ANKRD36C: variants seen among roughly 807,000 people sequenced by gnomAD.
The protein encoded by ANKRD36C is ankyrin repeat domain-containing protein 36C.
Under a neutral mutation model 276.4 loss-of-function variants are expected in ANKRD36C, and 61 were observed. That is an observed-to-expected ratio of 0.22 (90% CI 0.18 to 0.27). The LOEUF (loss-of-function observed/expected upper bound fraction) is 0.27, where lower values mean the gene tolerates loss of function less well. Among genes scored for constraint, ANKRD36C ranks in the 10% least tolerant of loss-of-function variants. The probability of loss-of-function intolerance (pLI) is 1.00; values close to 1 mark genes in which losing one functional copy is unlikely to be tolerated. For missense variants in ANKRD36C, 1,447 were observed against 2,032.3 expected (o/e 0.71, Z 5.54); for synonymous variants, 483 against 680.1 (o/e 0.71, Z 4.51).
chr2:95,990,273 T>C (rs1462687368), intron 1 of ANKRD36C, among the ~76,000 whole-genome samples: 1 of 152,250 alleles, frequency 6.6e-6, no homozygotes, highest in East Asian at 1.9e-4. Context: ...CATCTTTTCC[T>C]ACTAATATGA....
intron 59 of ANKRD36C, among the ~76,000 whole-genome samples, chr2:95,870,454 T>C (rs1457996932): frequency 1.3e-5 from 2 of 152,178 alleles, no homozygotes; most frequent in Admixed American, 6.5e-5. Flanking sequence ...AGCTGAGGGT[T>C]CTCTCTGGTA....
intron 28 of ANKRD36C, 47 bp downstream of exon 28, chr2:95,927,167 T>G: frequency 6.2e-7 from 1 of 1,604,298 alleles, no homozygotes; most frequent in Non-Finnish European, 8.5e-7. Flanking sequence ...GAGAAGTACT[T>G]TTCTATCTTG....
downstream of ANKRD36C, among the ~76,000 whole-genome samples, chr2:95,849,025 T>A (rs1344860929): frequency 1.3e-5 from 2 of 152,156 alleles, no homozygotes; most frequent in Non-Finnish European, 2.9e-5. Flanking sequence ...TACAATTTTA[T>A]TGTCTTTTAG....
Position 95,972,844 on chromosome 2 carries a change from G to A in ANKRD36C, c.799+5278C>T, listed in dbSNP as rs557620815. On this transcript the variant is annotated intron_variant, in intron 6 of 66. Transcript: ENST00000456556. ...CCTATTTTAACCAGAATAAAAATTT[G>A]AGAATATGGATGATTAAAAATATAT... 2.6e-5 allele frequency among the ~76,000 whole-genome samples: 4 copies of A among 152,108 alleles called. No individual in the cohort carries two copies. The East Asian group carries it at 7.7e-4, about 29-fold the overall frequency.
chr2:95,869,822 T>C (rs1338092543), intron 59 of ANKRD36C, among the ~76,000 whole-genome samples: 1 of 152,232 alleles, frequency 6.6e-6, no homozygotes, highest in Non-Finnish European at 1.5e-5. Flanking sequence ...TACTGCACTT[T>C]TCCGATGGGC....
chr2:95,892,809 G>C (rs1236680875), intron 44 of ANKRD36C, among the ~76,000 whole-genome samples: 1 of 151,286 alleles, frequency 6.6e-6, no homozygotes, highest in Non-Finnish European at 1.5e-5. Flanking sequence ...AATGTATTCA[G>C]ATTCAACTTT....
At chr2:95,912,287 C>A (rs573740459) in exon 42 of ANKRD36C, 16 of 1,565,806 alleles carry the variant, frequency 1.0e-5, no homozygotes, top group African/African-American at 1.4e-5. Context: ...TGGTTATATT[C>A]GAAAAAGAAT....
chr2:95,860,593 A>G (rs1359729095), intron 60 of ANKRD36C, among the ~76,000 whole-genome samples: 1 of 152,250 alleles, frequency 6.6e-6, no homozygotes, highest in African/African-American at 2.4e-5. Context: ...GACAAAATAC[A>G]TTAAACTGAT....
At chr2:95,975,340 A>G (rs1449194298) in intron 6 of ANKRD36C, among the ~76,000 whole-genome samples, 1 of 152,220 alleles carries the variant, frequency 6.6e-6, no homozygotes, top group Non-Finnish European at 1.5e-5. Flanking sequence ...AGCCAAAAGA[A>G]TAAAGCTGGA....
rs1056405838 is a variant in ANKRD36C at position 95,887,496 on chromosome 2, G to A, written c.3061+429C>T. Among the ~76,000 whole-genome samples, 39 of 151,464 alleles carry A rather than the reference G, an allele frequency of 2.6e-4. No individual in the cohort carries two copies. In the Middle Eastern group the frequency reaches 0.01, roughly 40 times the overall value. On this transcript the variant is annotated intron_variant, in intron 50 of 66. Transcript: ENST00000456556. ...CTTGGGAAAAATCATTGCTATATCA[G>A]TGGTCTCCTTAGTTCTCATTCTACA...
At chr2:95,865,096 A>T (rs1326033981) in intron 60 of ANKRD36C, among the ~76,000 whole-genome samples, 3 of 152,082 alleles carry the variant, frequency 2.0e-5, no homozygotes, top group Non-Finnish European at 4.4e-5. Context: ...CATCTACATT[A>T]AGTAAACTAT....
At chr2:95,949,166 A>G (rs2918886) in intron 16 of ANKRD36C, among the ~76,000 whole-genome samples, 1 of 152,032 alleles carries the variant, frequency 6.6e-6, no homozygotes, top group African/African-American at 2.4e-5. Context: ...CCCCCTGAAA[A>G]ACTGCAAATG....
At chr2:95,938,052 G>A (rs1677767281) in intron 22 of ANKRD36C, among the ~76,000 whole-genome samples, 1 of 152,132 alleles carries the variant, frequency 6.6e-6, no homozygotes. Flanking sequence ...GATTACAAAA[G>A]CCGAGTTGCA....
chr2:95,925,050 T>C (rs1047855853), intron 30 of ANKRD36C, among the ~76,000 whole-genome samples: 1 of 151,628 alleles, frequency 6.6e-6, no homozygotes, highest in African/African-American at 2.4e-5. Context: ...CCCCTCTCCA[T>C]AGAAACATGC....
At chr2:95,930,128 A>G (rs1437458176) in intron 24 of ANKRD36C, among the ~76,000 whole-genome samples, 2 of 151,682 alleles carry the variant, frequency 1.3e-5, no homozygotes, top group African/African-American at 4.8e-5. Context: ...TAGTCTGGTT[A>G]AAGTATCATG....
At chr2:95,913,717 T>C (rs1278710668) in intron 40 of ANKRD36C, among the ~76,000 whole-genome samples, 1 of 151,384 alleles carries the variant, frequency 6.6e-6, no homozygotes, top group African/African-American at 2.4e-5. Context: ...ACAGTGTCTA[T>C]GGGTTGTTAC....
At chr2:95,866,324 T>C (rs1675682603) in intron 60 of ANKRD36C, among the ~76,000 whole-genome samples, 1 of 152,226 alleles carries the variant, frequency 6.6e-6, no homozygotes, top group South Asian at 2.1e-4. Context: ...CTTCAAAAGA[T>C]ACTACAAAGC....
At chr2:95,876,981 C>T (rs2104312646) in intron 58 of ANKRD36C, among the ~76,000 whole-genome samples, 1 of 148,080 alleles carries the variant, frequency 6.8e-6, no homozygotes, top group Admixed American at 6.8e-5. Context: ...TTCAGCAAAC[C>T]ACTTGGGGAG....
chr2:95,911,982 G>T, intron 42 of ANKRD36C, among the ~76,000 whole-genome samples: 1 of 151,380 alleles, frequency 6.6e-6, no homozygotes, highest in East Asian at 2.0e-4. Flanking sequence ...AAACTATGCT[G>T]TACCCCAGAG....
Sources: allele counts gnomAD v4.1 joint callset (sites outside exome capture counted in the v4.1 genomes callset), GRCh38; gene constraint gnomAD v4.1.1; transcripts MANE v1.5; gene names NCBI Gene and HGNC (gene_info 2026-07-23, HGNC 2026-07-21).